Variants in DENND5B observed in about 807,000 individuals in gnomAD.
The protein encoded by DENND5B is DENN domain containing 5B, also known as DENN domain-containing protein 5B.
In DENND5B, 34 loss-of-function variants were observed where a neutral mutation model predicts 140.6. The observed-to-expected ratio is 0.24, with a 90% confidence interval of 0.18 to 0.32. DENND5B has a LOEUF of 0.32. Among genes scored for constraint, DENND5B ranks in the 10% least tolerant of loss-of-function variants. DENND5B has a pLI of 1.00. For synonymous variants in DENND5B, 551 were observed against 562.1 expected, an observed-to-expected ratio of 0.98 and a Z score of 0.28; for missense variants, 1,142 against 1,560.2, an observed-to-expected ratio of 0.73 and a Z score of 4.52.
At chr12:31,417,152 C>G (rs1353730066) in intron 11 of DENND5B, among the ~76,000 whole-genome samples, 2 of 150,014 alleles carry the variant, frequency 1.3e-5, no homozygotes, top group Non-Finnish European at 3.0e-5. Flanking sequence ...GTCAGGAGAT[C>G]GAGACCACCC....
chr12:31,560,860 T>C (rs1434666119), intron 1 of DENND5B, among the ~76,000 whole-genome samples: 1 of 152,200 alleles, frequency 6.6e-6, no homozygotes, highest in Non-Finnish European at 1.5e-5. Flanking sequence ...TCTTAAGTCT[T>C]TGTTCAAAGA....
intron 2 of DENND5B, among the ~76,000 whole-genome samples, chr12:31,494,646 C>A (rs1198417769): frequency 3.3e-5 from 5 of 152,150 alleles, no homozygotes; most frequent in Admixed American, 1.3e-4. Flanking sequence ...GCCAAGTCTT[C>A]ATTTGCATAG....
chr12:31,403,813 T>C lies in DENND5B; in HGVS notation c.2804-1170A>G, dbSNP rs567711095. Reference sequence around the variant, plus strand: ...CAGGAGGCTGAGGCAGGAGAATCGCTTGAACCCGGGAGGCAGAGGTTGCAG... The same window carrying C: ...CAGGAGGCTGAGGCAGGAGAATCGCCTGAACCCGGGAGGCAGAGGTTGCAG... On this transcript the variant is annotated intron_variant, in intron 14 of 20. Coordinates refer to ENST00000389082, the MANE Select transcript of DENND5B (RefSeq NM_144973.4). 4.8e-5 allele frequency among the ~76,000 whole-genome samples: 7 copies of C among 146,148 alleles called. No individual in the cohort carries two copies. The South Asian group carries it at 8.7e-4, about 18-fold the overall frequency.
chr12:31,480,342 G>A, intron 2 of DENND5B, 87 bp from the exon 3 acceptor site: 1 of 1,262,628 alleles, frequency 7.9e-7, no homozygotes. Flanking sequence ...AACATAACAG[G>A]ATTCAAAAAG....
intron 1 of DENND5B, among the ~76,000 whole-genome samples, chr12:31,573,899 G>A (rs1949908487): frequency 1.3e-5 from 2 of 151,760 alleles, no homozygotes; most frequent in Non-Finnish European, 2.9e-5. Flanking sequence ...AGGCTGTAGT[G>A]AGCTATGATG....
chr12:31,554,218 T>C (rs1221630307), intron 1 of DENND5B, among the ~76,000 whole-genome samples: 2 of 152,170 alleles, frequency 1.3e-5, no homozygotes, highest in African/African-American at 4.8e-5. Flanking sequence ...TTCCTTTCCA[T>C]GTTTAGTGCT....
chr12:31,405,536 A>T (rs1410195060), intron 14 of DENND5B, among the ~76,000 whole-genome samples: 2 of 151,424 alleles, frequency 1.3e-5, no homozygotes, highest in Non-Finnish European at 2.9e-5. Context: ...GTATGTATGT[A>T]TGTATGTATG....
At chr12:31,482,894 T>C (rs1946125502) in intron 2 of DENND5B, among the ~76,000 whole-genome samples, 1 of 152,202 alleles carries the variant, frequency 6.6e-6, no homozygotes, top group Non-Finnish European at 1.5e-5. Context: ...AATGGACTCT[T>C]ATCTCACTAA....
At chr12:31,581,413 G>A (rs1442522477) in intron 1 of DENND5B, among the ~76,000 whole-genome samples, 3 of 151,948 alleles carry the variant, frequency 2.0e-5, no homozygotes, top group Non-Finnish European at 2.9e-5. Flanking sequence ...TGTAGCTTTC[G>A]GCCAGGCACA....
chr12:31,459,317 G>A (rs536387710), intron 4 of DENND5B, among the ~76,000 whole-genome samples: 49 of 152,172 alleles, frequency 3.2e-4, no homozygotes, highest in African/African-American at 1.0e-3. Flanking sequence ...TTTTTGAGAC[G>A]GAATCTCGCT....
intron 8 of DENND5B, among the ~76,000 whole-genome samples, chr12:31,428,110 T>C (rs1024654581): frequency 1.3e-5 from 2 of 152,166 alleles, no homozygotes; most frequent in Admixed American, 1.3e-4. Flanking sequence ...CTCTTATTTC[T>C]TTGACCCTCT....
chr12:31,467,341 G>A (rs1945313546), intron 3 of DENND5B, among the ~76,000 whole-genome samples: 2 of 152,180 alleles, frequency 1.3e-5, no homozygotes, highest in African/African-American at 4.8e-5. Context: ...AATAATAACT[G>A]AGGCTGGGTG....
chr12:31,581,956 T>C (rs1293220075), intron 1 of DENND5B, among the ~76,000 whole-genome samples: 1 of 151,920 alleles, frequency 6.6e-6, no homozygotes, highest in Admixed American at 6.6e-5. Flanking sequence ...TAATACTCAG[T>C]ACGATGCAAA....
intron 14 of DENND5B, among the ~76,000 whole-genome samples, chr12:31,403,897 CAAAAAAAA>C (rs751708684): frequency 5.5e-5 from 2 of 36,370 alleles, no homozygotes; most frequent in African/African-American, 2.8e-4. Context: ...ACTCCATCTC[CAAAAAAAA>C]AAAAAAAAAA....
At chr12:31,502,202 CT>C (rs1947033762) in intron 1 of DENND5B, among the ~76,000 whole-genome samples, 1 of 151,966 alleles carries the variant, frequency 6.6e-6, no homozygotes, top group Admixed American at 6.6e-5. Flanking sequence ...GTAGTCCCAG[CT>C]ACTTGGGAGG....
intron 3 of DENND5B, among the ~76,000 whole-genome samples, chr12:31,475,780 G>A (rs1945778119): frequency 6.6e-6 from 1 of 151,750 alleles, no homozygotes; most frequent in Admixed American, 6.6e-5. Flanking sequence ...AGCAGAAATA[G>A]GAGAGCTCAG....
chr12:31,482,506 T>C (rs550907636), intron 2 of DENND5B, among the ~76,000 whole-genome samples: 2 of 152,272 alleles, frequency 1.3e-5, no homozygotes, highest in African/African-American at 2.4e-5. Flanking sequence ...CTTACCCCAT[T>C]ATCCAATCCA....
chr12:31,495,967 T>C (rs370682413), intron 1 of DENND5B, 48 bp from the exon 2 acceptor site: 7 of 1,330,730 alleles, frequency 5.3e-6, no homozygotes, highest in Non-Finnish European at 2.1e-6. Flanking sequence ...TCCAAAAGCA[T>C]GTCATAGTTT....
intron 3 of DENND5B, among the ~76,000 whole-genome samples, chr12:31,471,697 G>A (rs143931063): frequency 2.0e-5 from 3 of 152,058 alleles, no homozygotes; most frequent in Non-Finnish European, 2.9e-5. Flanking sequence ...AACTAATTTC[G>A]AGGCAGTATC....
Sources: allele counts gnomAD v4.1 joint callset (sites outside exome capture counted in the v4.1 genomes callset), GRCh38; gene constraint gnomAD v4.1.1; transcripts MANE v1.5; gene names NCBI Gene and HGNC (gene_info 2026-07-23, HGNC 2026-07-21).